UBR1: variants seen among roughly 807,000 people sequenced by gnomAD.
The protein encoded by UBR1 is E3 ubiquitin-protein ligase UBR1.
Under a neutral mutation model 242.1 loss-of-function variants are expected in UBR1, and 102 were observed. That is an observed-to-expected ratio of 0.42 (90% CI 0.36 to 0.50). The LOEUF is 0.50. UBR1 is among the 20% of genes least tolerant of loss of function. The pLI is 0.01. For missense variants in UBR1, 1,772 were observed against 2,101.8 expected (o/e 0.84, Z 3.07); for synonymous variants, 675 against 684.8 (o/e 0.99, Z 0.22).
chr15:43,042,001 G>T (rs1417924615), intron 15 of UBR1, among the ~76,000 whole-genome samples: 3 of 152,092 alleles, frequency 2.0e-5, no homozygotes, highest in Non-Finnish European at 2.9e-5. Flanking sequence ...CATTAGAATG[G>T]TTATTATCTG....
chr15:42,968,957 G>A, intron 40 of UBR1, among the ~76,000 whole-genome samples: 1 of 152,078 alleles, frequency 6.6e-6, no homozygotes, highest in South Asian at 2.1e-4. Flanking sequence ...TTGCTACTGT[G>A]AATGGTGCTG....
At chr15:43,097,793 A>C (rs1487674292) in intron 1 of UBR1, among the ~76,000 whole-genome samples, 2 of 152,214 alleles carry the variant, frequency 1.3e-5, no homozygotes, top group Non-Finnish European at 2.9e-5. Context: ...GTTTTGCCTT[A>C]AGGGAATATT....
chr15:43,026,691 C>T, intron 22 of UBR1, 28 bp from the exon 23 acceptor site: 1 of 1,553,314 alleles, frequency 6.4e-7, no homozygotes, highest in Admixed American at 1.7e-5. Flanking sequence ...ACAAGATGAA[C>T]TGCAGTGTTC....
chr15:42,952,539 T>C (rs2031852218), intron 44 of UBR1, 91 bp from the exon 45 acceptor site: 10 of 1,421,716 alleles, frequency 7.0e-6, no homozygotes, highest in Non-Finnish European at 8.9e-6. Context: ...AAGCATGTTT[T>C]CATCACTGAC....
intron 38 of UBR1, among the ~76,000 whole-genome samples, chr15:42,977,315 G>C (rs963141553): frequency 6.6e-6 from 1 of 152,104 alleles, no homozygotes; most frequent in African/African-American, 2.4e-5. Flanking sequence ...ATAATGAGGG[G>C]GATGAGGATG....
Position 42,990,041 on chromosome 15 carries a change from G to A in UBR1, c.3837C>T (p.Gly1279=), listed in dbSNP as rs1484835842. 1.9e-6 allele frequency: 3 copies of A among 1,607,896 alleles called. No homozygotes were observed. Among genetic ancestry groups the A allele is most frequent in the African/African-American group, 2.7e-5 (2 of 74,732 alleles). ...TLEFHSILSF[G]VESSIKYSNS... is the part of the protein sequence containing the mutation. ...ATTTAGATACTTACGAAGACTCAACGCCAAAACTCAGGATGGAATGGAACT... is the reference window on the plus strand; with the variant it reads ...ATTTAGATACTTACGAAGACTCAACACCAAAACTCAGGATGGAATGGAACT... Residue 1279 remains glycine, a synonymous_variant, in exon 34 of 47, where the codon GGC becomes GGT. Coordinates refer to ENST00000290650, the MANE Select transcript of UBR1 (RefSeq NM_174916.3).
intron 10 of UBR1, 104 bp from the exon 11 acceptor site, chr15:43,056,546 C>A: frequency 1.4e-6 from 1 of 725,290 alleles, no homozygotes; most frequent in Non-Finnish European, 2.3e-6. Context: ...TATAAAATGT[C>A]AAGTAATATA....
At chr15:43,055,829 C>T (rs1035860154) in intron 11 of UBR1, among the ~76,000 whole-genome samples, 2 of 152,204 alleles carry the variant, frequency 1.3e-5, no homozygotes, top group South Asian at 2.1e-4. Context: ...GCATGAGAAT[C>T]GCTTGAACCC....
In UBR1 at chr15:43,026,697, T is replaced by C. The variant is rs184768386; in HGVS notation, c.2433-34A>G. On this transcript the variant is annotated intron_variant, in intron 22 of 46. Coordinates refer to ENST00000290650, the MANE Select transcript of UBR1 (RefSeq NM_174916.3). ...ATGGAAAATACAAGATGAACTGCAG[T>C]GTTCTTGAAGTATAAAATATAGACA... The C allele has an allele frequency of 1.6e-5, 25 of 1,538,940 alleles. No individual in the cohort carries two copies. The African/African-American group carries it at 3.0e-4, about 18-fold the overall frequency.
At position 43,021,382 on chromosome 15, in the gene UBR1, T is replaced by TA; in HGVS notation, c.2840-8dup. ...ATGGCTGAACTTCCCAATCCTTTTT[T>TA]AAAACACAAAATCACACATCATAAA... On this transcript the variant is annotated splice_region_variant and splice_polypyrimidine_tract_variant and intron_variant, in intron 26 of 46. Transcript: ENST00000290650. 1 of 1,612,722 alleles carries TA rather than the reference T, an allele frequency of 6.2e-7. No homozygotes were observed. The highest frequency in any genetic ancestry group is 8.5e-7 in the Non-Finnish European group (1 of 1,178,940).
chr15:43,102,835 C>G (rs531830925), intron 1 of UBR1, among the ~76,000 whole-genome samples: 46 of 152,202 alleles, frequency 3.0e-4, no homozygotes, highest in Middle Eastern at 6.8e-3. Context: ...CTCTTTTCCT[C>G]TGTGTGTGTG....
chr15:42,956,098 G>A (rs1056960686), intron 44 of UBR1, among the ~76,000 whole-genome samples: 1 of 152,212 alleles, frequency 6.6e-6, no homozygotes, highest in South Asian at 2.1e-4. Flanking sequence ...AAGCCTAAGC[G>A]GGTGTACTCC....
chr15:42,982,735 GA>G (rs555835956), intron 37 of UBR1, among the ~76,000 whole-genome samples: 3 of 149,230 alleles, frequency 2.0e-5, no homozygotes, highest in Admixed American at 6.7e-5. Context: ...TATTTTGCTG[GA>G]AAAAAAAAAT....
At position 43,047,149 on chromosome 15, in the gene UBR1, A is replaced by G; in HGVS notation, c.1668+12T>C. 1 of 1,614,060 alleles carries G rather than the reference A, an allele frequency of 6.2e-7. No individual in the cohort carries two copies. Among genetic ancestry groups the G allele is most frequent in the Non-Finnish European group, 8.5e-7 (1 of 1,179,992 alleles). ...TAAAAAGGCACTGATCCTACTAACA[A>G]ATTTTACTTACATCACAAGCACACC... On this transcript the variant is annotated intron_variant, in intron 14 of 46. Coordinates refer to ENST00000290650, the MANE Select transcript of UBR1 (RefSeq NM_174916.3).
At chr15:42,956,070 G>A (rs908420028) in intron 44 of UBR1, among the ~76,000 whole-genome samples, 3 of 152,138 alleles carry the variant, frequency 2.0e-5, no homozygotes, top group Admixed American at 2.0e-4. Flanking sequence ...TGATTGAGGT[G>A]GGGGGATGGT....
intron 3 of UBR1, among the ~76,000 whole-genome samples, chr15:43,081,571 T>C (rs1038191407): frequency 5.3e-5 from 8 of 152,174 alleles, no homozygotes; most frequent in Non-Finnish European, 2.9e-5. Context: ...ACAAATGATG[T>C]TGAGCATCTT....
Position 42,945,281 on chromosome 15 carries a change from C to G in UBR1, c.*48G>C, listed in dbSNP as rs774580441. On this transcript the variant is annotated 3_prime_UTR_variant, in exon 47 of 47. Coordinates refer to ENST00000290650, the MANE Select transcript of UBR1 (RefSeq NM_174916.3). ...AAAGTTTTCCATAATTTTGAATCAG[C>G]CTTTACTACTGTCGTCATTTGTGAT... The G allele has an allele frequency of 6.2e-7, 1 of 1,613,720 alleles. No individual in the cohort carries two copies. The highest frequency in any genetic ancestry group is 8.5e-7 in the Non-Finnish European group (1 of 1,179,808).
chr15:42,986,023 AAG>A (rs1269475971), intron 35 of UBR1, among the ~76,000 whole-genome samples: 2 of 151,964 alleles, frequency 1.3e-5, no homozygotes, highest in Admixed American at 6.5e-5. Flanking sequence ...GAGAAAGAAA[AAG>A]AGAAAATTAA....
rs1387539535 is a variant in UBR1 at position 42,944,376 on chromosome 15, C to T, written c.*953G>A. 2 of 152,526 alleles carry T rather than the reference C, an allele frequency of 1.3e-5. No individual in the cohort carries two copies. Among genetic ancestry groups the T allele is most frequent in the East Asian group, 3.8e-4 (2 of 5,198 alleles). The allele number at this position is 152,526 out of a possible 1,614,324, so 9.4% of individuals were successfully genotyped here. A position where few individuals can be genotyped will look rare whatever the true frequency, so the allele number is the denominator to read the frequency against. On this transcript the variant is annotated 3_prime_UTR_variant, in exon 47 of 47. Coordinates refer to ENST00000290650, the MANE Select transcript of UBR1 (RefSeq NM_174916.3). ...AGTTTATGAAAAGGTTGCACACAGA[C>T]AACATCAAGGATTTGTCTTTTACAA...
Sources: gnomAD v4.1 joint callset for allele counts (sites outside exome capture counted in the v4.1 genomes callset) on GRCh38, gnomAD v4.1.1 for gene constraint, MANE v1.5 for transcripts, NCBI Gene and HGNC (gene_info 2026-07-23, HGNC 2026-07-21) for gene names.